ARHGAP32: variants seen among roughly 807,000 people sequenced by gnomAD.
The protein encoded by ARHGAP32 is rho GTPase-activating protein 32.
Under a neutral mutation model 186.5 loss-of-function variants are expected in ARHGAP32, and 51 were observed. The observed-to-expected ratio is 0.27, with a 90% CI of 0.22 to 0.35. The LOEUF is 0.35. ARHGAP32 is among the 10% of genes least tolerant of loss of function. The pLI is 1.00. For missense variants in ARHGAP32, 2,186 were observed against 2,623.5 expected (o/e 0.83, Z 3.64); for synonymous variants, 950 against 964.3 (o/e 0.99, Z 0.27).
intron 1 of ARHGAP32, among the ~76,000 whole-genome samples, chr11:129,258,685 G>GTA (rs1242682348): frequency 2.0e-5 from 3 of 152,132 alleles, no homozygotes; most frequent in African/African-American, 7.2e-5. Flanking sequence ...GTAAATTATT[G>GTA]TATTTCTTAA....
At chr11:129,257,229 T>C (rs1275565270) in intron 1 of ARHGAP32, among the ~76,000 whole-genome samples, 2 of 152,236 alleles carry the variant, frequency 1.3e-5, no homozygotes, top group African/African-American at 2.4e-5. Flanking sequence ...TGATAATGTT[T>C]ACCAATATTG....
At position 128,969,019 on chromosome 11, in the gene ARHGAP32, G is replaced by A. The variant is rs1401047908; in HGVS notation, c.6194C>T (p.Pro2065Leu). Residue 2065 changes from proline to leucine, a missense_variant, in exon 23 of 23, where the codon CCT becomes CTT. By Grantham distance (98) the Pro-to-Leu change is moderately conservative. This residue lies in a region of ARHGAP32 where 1,502 missense variants were observed against 1,570.0 expected (regional missense o/e 0.96). Coordinates refer to ENST00000682385, the MANE Select transcript of ARHGAP32 (RefSeq NM_001378024.1). This position sits in a 1 kb window ranked among gnomAD's most constrained non-coding sequence, Gnocchi z 4.8. ...GGGGMGTYVP[P>L]GFPHPQSRTY... ...CCTGCTCTGTGGATGGGGAAAGCCA[G>A]GGGGCACATACGTCCCCATGCCGCC... The A allele has an allele frequency of 6.2e-7, 1 of 1,611,162 alleles. No individual in the cohort carries two copies. Among genetic ancestry groups the A allele is most frequent in the East Asian group, 2.2e-5 (1 of 44,776 alleles).
chr11:129,121,425 G>A (rs1942525652), intron 5 of ARHGAP32, among the ~76,000 whole-genome samples: 2 of 152,028 alleles, frequency 1.3e-5, no homozygotes, highest in Non-Finnish European at 2.9e-5. Context: ...GATATGTAGA[G>A]GCCAGTCTCC....
At chr11:129,266,917 C>G (rs2135719563) in intron 1 of ARHGAP32, among the ~76,000 whole-genome samples, 1 of 152,286 alleles carries the variant, frequency 6.6e-6, no homozygotes, top group Middle Eastern at 3.4e-3. Flanking sequence ...CTCCTAAGGA[C>G]AGATGACCCA....
Position 129,123,011 on chromosome 11 carries a change from A to G in ARHGAP32, c.444+435T>C, listed in dbSNP as rs1260554539. Among the ~76,000 whole-genome samples, 1 of 152,160 alleles carries G rather than the reference A, an allele frequency of 6.6e-6. No individual in the cohort carries two copies. The highest frequency in any genetic ancestry group is 1.5e-5 in the Non-Finnish European group (1 of 68,002). On this transcript the variant is annotated intron_variant, in intron 5 of 22. Transcript: ENST00000682385. This position sits in a 1 kb window ranked among gnomAD's most constrained non-coding sequence, Gnocchi z 4.6. ...GTAGGTTGATGTCAAGTTAGATTCA[A>G]TAATTTGTATGTGAATGAAAAGGCA... is the stretch of plus-strand genomic sequence containing the variant.
intron 11 of ARHGAP32, among the ~76,000 whole-genome samples, chr11:129,022,237 C>T (rs886718309): frequency 6.6e-6 from 1 of 152,060 alleles, no homozygotes; most frequent in Non-Finnish European, 1.5e-5. Context: ...TGTAAAAACT[C>T]TCTTTTGAGA....
At chr11:129,001,384 T>C (rs1002827462) in intron 11 of ARHGAP32, among the ~76,000 whole-genome samples, 4 of 152,240 alleles carry the variant, frequency 2.6e-5, no homozygotes, top group African/African-American at 9.6e-5. Flanking sequence ...TTCAGTATCT[T>C]TTATACACCT....
chr11:129,048,466 T>G (rs1939902746), intron 10 of ARHGAP32, among the ~76,000 whole-genome samples: 1 of 148,950 alleles, frequency 6.7e-6, no homozygotes, highest in African/African-American at 2.5e-5. Flanking sequence ...AAGTAAGGAG[T>G]AGTAAAGTAT....
chr11:129,084,752 A>C (rs1941328801), intron 6 of ARHGAP32, among the ~76,000 whole-genome samples: 1 of 152,222 alleles, frequency 6.6e-6, no homozygotes, highest in Non-Finnish European at 1.5e-5. Flanking sequence ...AAAACAAAGC[A>C]ATGATGTTCT....
intron 11 of ARHGAP32, among the ~76,000 whole-genome samples, chr11:129,002,145 T>C (rs1565368997): frequency 6.6e-6 from 1 of 152,190 alleles, no homozygotes; most frequent in East Asian, 1.9e-4. Flanking sequence ...GTCATTGGTA[T>C]TTTGATAGGA....
intron 2 of ARHGAP32, among the ~76,000 whole-genome samples, chr11:129,126,305 C>A (rs1410922294): frequency 6.6e-6 from 1 of 152,040 alleles, no homozygotes; most frequent in Non-Finnish European, 1.5e-5. Context: ...CAGCCATGTT[C>A]CAATAAAACT....
intron 2 of ARHGAP32, among the ~76,000 whole-genome samples, chr11:129,140,102 A>G (rs2135424926): frequency 6.6e-6 from 1 of 152,294 alleles, no homozygotes; most frequent in East Asian, 1.9e-4. Flanking sequence ...CTGGTAGCAG[A>G]AGGGAAAGTC....
chr11:129,194,136 T>C (rs1438840506), upstream of ARHGAP32, among the ~76,000 whole-genome samples: 2 of 152,094 alleles, frequency 1.3e-5, no homozygotes. Flanking sequence ...AAAAGAAACA[T>C]GCCTGTCAGT....
intron 1 of ARHGAP32, among the ~76,000 whole-genome samples, chr11:129,236,557 C>CT (rs1424388900): frequency 6.6e-6 from 1 of 152,076 alleles, no homozygotes; most frequent in African/African-American, 2.4e-5. Context: ...TGTGCAAAAC[C>CT]TTTTTTGTTG....
chr11:129,233,532 A>G (rs1287520487), intron 1 of ARHGAP32, among the ~76,000 whole-genome samples: 1 of 152,070 alleles, frequency 6.6e-6, no homozygotes, highest in Non-Finnish European at 1.5e-5. Context: ...CAACCCAGCA[A>G]CTCACTTTTC....
intron 10 of ARHGAP32, among the ~76,000 whole-genome samples, chr11:129,054,655 C>G (rs1940180271): frequency 6.6e-6 from 1 of 151,872 alleles, no homozygotes; most frequent in Non-Finnish European, 1.5e-5. Flanking sequence ...GACAAGAACA[C>G]AAATCTATTA....
rs570735872 is a variant in ARHGAP32 at position 129,019,852 on chromosome 11, A to G, written c.1045+21076T>C. On this transcript the variant is annotated intron_variant, in intron 11 of 22. Transcript: ENST00000682385. ...TTAAGGTCATCCATCCAATCATGAC[A>G]TCATTGGCTAAGGTATGTGCTAGTG... 1.4e-4 allele frequency among the ~76,000 whole-genome samples: 22 copies of G among 152,280 alleles called. 1 individual carries two copies. Among genetic ancestry groups the G allele is most frequent in the African/African-American group, 4.8e-4 (20 of 41,572 alleles).
chr11:129,142,196 G>A (rs1237912932), intron 2 of ARHGAP32, among the ~76,000 whole-genome samples: 4 of 152,128 alleles, frequency 2.6e-5, no homozygotes, highest in Non-Finnish European at 2.9e-5. Context: ...GAAATACCCC[G>A]GCTCTTCCCC....
intron 12 of ARHGAP32, among the ~76,000 whole-genome samples, chr11:128,990,320 C>A (rs562965320): frequency 1.3e-5 from 2 of 152,246 alleles, no homozygotes; most frequent in African/African-American, 4.8e-5. Flanking sequence ...AACTATTACC[C>A]TTTTCTGACT....
Sources: gnomAD v4.1 joint callset for allele counts (sites outside exome capture counted in the v4.1 genomes callset) on GRCh38, gnomAD v4.1.1 for gene constraint, gnomAD v4.1.1 regional missense constraint, Gnocchi (gnomAD v3.1) non-coding constraint, MANE v1.5 for transcripts, NCBI Gene and HGNC (gene_info 2026-07-23, HGNC 2026-07-21) for gene names.